The following RASSF5 variants were observed in gnomAD, a reference collection of about 807,000 sequenced individuals.
RASSF5 encodes Ras association domain family member 5, also known as ras association domain-containing protein 5.
Under a neutral mutation model 40.5 loss-of-function variants are expected in RASSF5, and 25 were observed. The observed-to-expected ratio is 0.62, with a 90% CI of 0.45 to 0.86. RASSF5 has a LOEUF of 0.86. Ranked by LOEUF, RASSF5 falls within the 40% of genes least tolerant of loss-of-function variation. RASSF5 has a pLI of 0.00. For synonymous variants in RASSF5, 246 were observed against 252.4 expected, an observed-to-expected ratio of 0.97 and a Z score of 0.24; for missense variants, 521 against 572.8, an observed-to-expected ratio of 0.91 and a Z score of 0.92.
At chr1:206,543,745 C>A (rs782504983) in intron 2 of RASSF5, 4 of 152,014 alleles carry the variant, frequency 2.6e-5, no homozygotes, top group Non-Finnish European at 5.9e-5. Context: ...TTCATATGTT[C>A]CTAATGTCAT....
intron 2 of RASSF5, among the ~76,000 whole-genome samples, chr1:206,547,746 T>G (rs925780716): frequency 1.3e-5 from 2 of 152,314 alleles, no homozygotes; most frequent in Middle Eastern, 3.4e-3. Flanking sequence ...TGGGGACCAC[T>G]GCTATAAGCC....
intron 1 of RASSF5, among the ~76,000 whole-genome samples, chr1:206,523,663 AT>A (rs1666985303): frequency 1.0e-5 from 1 of 99,560 alleles, no homozygotes; most frequent in Admixed American, 1.6e-4. Flanking sequence ...TATAAAATAT[AT>A]AAAATATATT....
intron 1 of RASSF5, among the ~76,000 whole-genome samples, chr1:206,523,345 T>A (rs1348185527): frequency 7.7e-6 from 1 of 129,880 alleles, no homozygotes; most frequent in Non-Finnish European, 1.6e-5. Context: ...ATTTATATAT[T>A]ATATATTTTA....
chr1:206,581,387 C>T (rs1201073754), intron 2 of RASSF5, among the ~76,000 whole-genome samples: 1 of 152,092 alleles, frequency 6.6e-6, no homozygotes, highest in Non-Finnish European at 1.5e-5. Flanking sequence ...CATTTGAGGT[C>T]AGGAGTTCGA....
chr1:206,583,510 C>A (rs904346612), intron 3 of RASSF5, 131 bp downstream of exon 3: 2 of 667,080 alleles, frequency 3.0e-6, no homozygotes, highest in African/African-American at 1.8e-5. Context: ...CCTCCAGAGG[C>A]CTCCGGGGTC....
At chr1:206,548,274 G>A (rs1479478115) in intron 2 of RASSF5, among the ~76,000 whole-genome samples, 1 of 152,102 alleles carries the variant, frequency 6.6e-6, no homozygotes, top group East Asian at 1.9e-4. Context: ...TTCTGCAGAC[G>A]GTACAAGCAT....
At chr1:206,548,565 C>T (rs1317567286) in intron 2 of RASSF5, among the ~76,000 whole-genome samples, 3 of 152,274 alleles carry the variant, frequency 2.0e-5, no homozygotes, top group Admixed American at 6.5e-5. Flanking sequence ...TTTCAACATG[C>T]GATTTGGAGG....
chr1:206,565,390 C>T (rs1553403230), intron 2 of RASSF5, among the ~76,000 whole-genome samples: 4 of 152,234 alleles, frequency 2.6e-5, no homozygotes, highest in Non-Finnish European at 4.4e-5. Flanking sequence ...CCCAGGTTCC[C>T]TTTCCTTCCG....
intron 5 of RASSF5, 83 bp from the exon 6 acceptor site, chr1:206,586,743 G>A: frequency 3.9e-6 from 4 of 1,038,516 alleles, no homozygotes; most frequent in Non-Finnish European, 5.8e-6. Context: ...GAAGGGGAAG[G>A]CAGCAGGGTC....
chr1:206,557,427 C>A (rs1272590282), intron 2 of RASSF5: 63 of 1,417,322 alleles, frequency 4.4e-5, no homozygotes, highest in Non-Finnish European at 5.1e-5. Flanking sequence ...CTGCCTGGTC[C>A]GCTACCCGAC....
intron 1 of RASSF5, among the ~76,000 whole-genome samples, chr1:206,522,411 G>T (rs1666930366): frequency 6.6e-6 from 1 of 152,138 alleles, no homozygotes; most frequent in Admixed American, 6.5e-5. Context: ...CTGTGTCTTT[G>T]CACTTCTCTC....
chr1:206,542,875 T>C (rs187547456), intron 2 of RASSF5: 1 of 152,252 alleles, frequency 6.6e-6, no homozygotes, highest in African/African-American at 2.4e-5. Context: ...TCTTTTAATA[T>C]GTGTCTAAGG....
chr1:206,570,061 C>T (rs114601436), intron 2 of RASSF5, among the ~76,000 whole-genome samples: 1 of 144,786 alleles, frequency 6.9e-6, no homozygotes, highest in African/African-American at 2.5e-5. Flanking sequence ...GTAAAATACA[C>T]ATAACATAAA....
At chr1:206,514,162 T>C (rs1369295160) in intron 1 of RASSF5, among the ~76,000 whole-genome samples, 2 of 152,232 alleles carry the variant, frequency 1.3e-5, no homozygotes, top group African/African-American at 4.8e-5. Flanking sequence ...TTCTCTTTTT[T>C]TACCCTTTTT....
chr1:206,561,215 G>A (rs782704232), intron 2 of RASSF5, among the ~76,000 whole-genome samples: 2 of 152,204 alleles, frequency 1.3e-5, no homozygotes, highest in African/African-American at 2.4e-5. Context: ...AGAGGTGGAA[G>A]GACGTCACTA....
chr1:206,584,253 C>G lies in RASSF5; in HGVS notation c.691-134C>G. 1.2e-6 allele frequency: 1 copy of G among 826,762 alleles called. No individual in the cohort carries two copies. The highest frequency in any genetic ancestry group is 2.9e-5 in the Admixed American group (1 of 34,398). The allele number at this position is 826,762 out of a possible 1,614,324, so 51.2% of individuals were successfully genotyped here. A position where few individuals can be genotyped will look rare whatever the true frequency, so the allele number is the denominator to read the frequency against. ...AAGGGATCTCTGCTCCTTCCTCCAGCTCTCCCACGTCAGCAGAGGCAGGAA... is the reference window on the plus strand; with the variant it reads ...AAGGGATCTCTGCTCCTTCCTCCAGGTCTCCCACGTCAGCAGAGGCAGGAA... On this transcript the variant is annotated intron_variant, in intron 3 of 5. Transcript: ENST00000579436. This position sits in a 1 kb window ranked among gnomAD's most constrained non-coding sequence, Gnocchi z 4.9.
intron 2 of RASSF5, among the ~76,000 whole-genome samples, chr1:206,554,838 T>C (rs1667940161): frequency 6.6e-6 from 1 of 152,198 alleles, no homozygotes; most frequent in South Asian, 2.1e-4. Flanking sequence ...GATCTTTGTA[T>C]ATTTCTTCTA....
intron 2 of RASSF5, among the ~76,000 whole-genome samples, chr1:206,540,299 T>C (rs1667513421): frequency 6.6e-6 from 1 of 152,244 alleles, no homozygotes; most frequent in Non-Finnish European, 1.5e-5. Context: ...ATTCGTTGTC[T>C]CATCCTCCAA....
intron 2 of RASSF5, among the ~76,000 whole-genome samples, chr1:206,565,281 A>C (rs1418939840): frequency 6.6e-6 from 1 of 152,098 alleles, no homozygotes; most frequent in Non-Finnish European, 1.5e-5. Context: ...GAGATGCCCC[A>C]GTAAGTCAGT....
Sources: allele counts gnomAD v4.1 joint callset (sites outside exome capture counted in the v4.1 genomes callset), GRCh38; gene constraint gnomAD v4.1.1; non-coding constraint Gnocchi (gnomAD v3.1); transcripts MANE v1.5; gene names NCBI Gene and HGNC (gene_info 2026-07-23, HGNC 2026-07-21).